The following LUZP1 variants were observed in gnomAD, a reference collection of about 807,000 sequenced individuals.
LUZP1 encodes leucine zipper protein 1.
A neutral mutation model predicts 71.3 loss-of-function variants in LUZP1; 25 were observed. That is an observed-to-expected ratio of 0.35 (90% CI 0.26 to 0.49). LUZP1 has a LOEUF of 0.49. LUZP1 is among the 20% of genes least tolerant of loss of function. The pLI, the probability that LUZP1 is intolerant of heterozygous loss-of-function variation, is 0.99. For missense variants in LUZP1, 1,142 were observed against 1,300.8 expected, an observed-to-expected ratio of 0.88 and a Z score of 1.88; for synonymous variants, 481 against 506.4, an observed-to-expected ratio of 0.95 and a Z score of 0.67.
chr1:23,132,526 A>T (rs1200013963), intron 2 of LUZP1, among the ~76,000 whole-genome samples: 1 of 152,068 alleles, frequency 6.6e-6, no homozygotes, highest in Non-Finnish European at 1.5e-5. Context: ...AAAAAAAAAA[A>T]AACTATAAAA....
intron 2 of LUZP1, among the ~76,000 whole-genome samples, chr1:23,147,126 T>TAAC (rs909695904): frequency 1.4e-5 from 2 of 146,554 alleles, no homozygotes; most frequent in African/African-American, 5.0e-5. Context: ...ATAATAATAA[T>TAAC]AACTACATGG....
intron 2 of LUZP1, among the ~76,000 whole-genome samples, chr1:23,165,531 C>A (rs746991413): frequency 6.6e-6 from 1 of 151,826 alleles, no homozygotes; most frequent in Non-Finnish European, 1.5e-5. Flanking sequence ...AAAAAGTTAG[C>A]CAGGCATGGT....
At chr1:23,177,083 G>T (rs890374080) in intron 1 of LUZP1, among the ~76,000 whole-genome samples, 1 of 145,264 alleles carries the variant, frequency 6.9e-6, no homozygotes, top group Non-Finnish European at 1.5e-5. Context: ...TGGGGGGGGG[G>T]TCTCACTATG....
At chr1:23,122,773 T>C (rs894382629) in intron 2 of LUZP1, among the ~76,000 whole-genome samples, 1 of 152,226 alleles carries the variant, frequency 6.6e-6, no homozygotes, top group African/African-American at 2.4e-5. Context: ...CTTAGTCTTA[T>C]TGGATCCAAG....
chr1:23,154,537 T>G (rs1644407319), intron 2 of LUZP1, among the ~76,000 whole-genome samples: 1 of 148,266 alleles, frequency 6.7e-6, no homozygotes, highest in Non-Finnish European at 1.5e-5. Context: ...AGACCCTGTC[T>G]TCTTTTTCTT....
rs113067130 is a variant in LUZP1, at chr1:23,147,716, T to G, written c.-226+21050A>C. ...AAGCAAACACCATTAGCTACTACTG[T>G]TAATATTTTTATTTCATTTTTCTTT... On this transcript the variant is annotated intron_variant, in intron 2 of 4. Coordinates refer to ENST00000302291, the Ensembl canonical transcript of LUZP1. Among the ~76,000 whole-genome samples, 759 of 152,238 alleles carry G rather than the reference T, an allele frequency of 5.0e-3. 2 individuals are homozygous for G. Among genetic ancestry groups the G allele is most frequent in the Middle Eastern group, 0.01 (3 of 294 alleles).
intron 2 of LUZP1, among the ~76,000 whole-genome samples, chr1:23,166,827 T>C (rs1473373096): frequency 6.6e-6 from 1 of 152,156 alleles, no homozygotes; most frequent in Non-Finnish European, 1.5e-5. Flanking sequence ...AAACACCTCA[T>C]AATCAACGAA....
At chr1:23,175,485 T>C (rs1644577091) in intron 1 of LUZP1, among the ~76,000 whole-genome samples, 1 of 152,206 alleles carries the variant, frequency 6.6e-6, no homozygotes, top group South Asian at 2.1e-4. Flanking sequence ...TCCATTAGTG[T>C]TCATCCCCCA....
chr1:23,102,021 T>C (rs749503498), intron 3 of LUZP1, among the ~76,000 whole-genome samples: 2 of 152,012 alleles, frequency 1.3e-5, no homozygotes, highest in Non-Finnish European at 2.9e-5. Context: ...TTGCATCCTG[T>C]CTTCTATCCT....
chr1:23,155,983 G>C (rs1312334712), intron 2 of LUZP1, among the ~76,000 whole-genome samples: 1 of 152,136 alleles, frequency 6.6e-6, no homozygotes. Flanking sequence ...CTTGAAACTA[G>C]ATAAAAACAG....
chr1:23,137,210 G>A (rs947658239), intron 2 of LUZP1, among the ~76,000 whole-genome samples: 4 of 152,146 alleles, frequency 2.6e-5, no homozygotes, highest in East Asian at 1.9e-4. Context: ...GAGATCTTAC[G>A]ACTCAATAAT....
chr1:23,152,889 C>T (rs919511783), intron 2 of LUZP1, among the ~76,000 whole-genome samples: 2 of 152,056 alleles, frequency 1.3e-5, no homozygotes, highest in African/African-American at 2.4e-5. Flanking sequence ...TCTTTCTCTA[C>T]GTTATTAAGT....
At chr1:23,118,584 G>A (rs931575782) in intron 2 of LUZP1, among the ~76,000 whole-genome samples, 1 of 152,108 alleles carries the variant, frequency 6.6e-6, no homozygotes, top group African/African-American at 2.4e-5. Context: ...GAATGTATGT[G>A]AAAGTACTTT....
chr1:23,148,542 T>C (rs1644359690), intron 2 of LUZP1, among the ~76,000 whole-genome samples: 1 of 152,160 alleles, frequency 6.6e-6, no homozygotes, highest in African/African-American at 2.4e-5. Flanking sequence ...CAAAATTCAA[T>C]GACAAACTCC....
intron 2 of LUZP1, among the ~76,000 whole-genome samples, chr1:23,112,164 C>T (rs566635051): frequency 1.3e-5 from 2 of 152,334 alleles, no homozygotes; most frequent in South Asian, 4.1e-4. Flanking sequence ...CTTCTGAATG[C>T]CATTTACTTC....
At chr1:23,149,217 A>C (rs1228904776) in intron 2 of LUZP1, among the ~76,000 whole-genome samples, 1 of 152,074 alleles carries the variant, frequency 6.6e-6, no homozygotes, top group Non-Finnish European at 1.5e-5. Context: ...TCCATTTTAC[A>C]CACGAGCCAC....
At chr1:23,168,031 G>A (rs942201191) in intron 2 of LUZP1, among the ~76,000 whole-genome samples, 2 of 151,246 alleles carry the variant, frequency 1.3e-5, no homozygotes, top group African/African-American at 4.8e-5. Flanking sequence ...CTGTCTACTG[G>A]CAACTTAAAC....
At chr1:23,107,260 T>C (rs981801538) in intron 3 of LUZP1, among the ~76,000 whole-genome samples, 2 of 152,246 alleles carry the variant, frequency 1.3e-5, no homozygotes, top group Non-Finnish European at 2.9e-5. Flanking sequence ...CTTACGCTGC[T>C]TTTTTGTCTT....
At chr1:23,172,487 C>G (rs1272832405) in intron 1 of LUZP1, among the ~76,000 whole-genome samples, 1 of 151,320 alleles carries the variant, frequency 6.6e-6, no homozygotes, top group Admixed American at 6.6e-5. Context: ...AGTGAGACCC[C>G]TGTCTTTACA....
Sources: gnomAD v4.1 joint callset for allele counts (sites outside exome capture counted in the v4.1 genomes callset) on GRCh38, gnomAD v4.1.1 for gene constraint, MANE v1.5 for transcripts, NCBI Gene and HGNC (gene_info 2026-07-23, HGNC 2026-07-21) for gene names.